Variants in ENOX2 observed in about 807,000 individuals in gnomAD.
ENOX2 encodes ecto-NOX disulfide-thiol exchanger 2, also known as APK1 antigen.
Under a neutral mutation model 45.0 loss-of-function variants are expected in ENOX2, and 36 were observed. The ratio of observed to expected loss-of-function variants is 0.80; its 90% confidence interval spans 0.61 to 1.06. The LOEUF is 1.06. Ranked by LOEUF, ENOX2 falls within the 50% of genes least tolerant of loss-of-function variation. The pLI is 0.00. For synonymous variants in ENOX2, 174 were observed against 152.3 expected (o/e 1.14, Z -1.05); for missense variants, 423 against 462.5 (o/e 0.91, Z 0.78).
intron 8 of ENOX2, among the ~76,000 whole-genome samples, chrX:130,667,142 T>C (rs2036855275): frequency 8.9e-6 from 1 of 112,079 alleles, no homozygotes; most frequent in African/African-American, 3.2e-5. Flanking sequence ...AAATGGAGTT[T>C]CTTGAAGGCA....
chrX:130,692,874 C>T (rs1342606390), intron 4 of ENOX2, among the ~76,000 whole-genome samples: 2 of 110,580 alleles, frequency 1.8e-5, no homozygotes, highest in Non-Finnish European at 3.8e-5. Context: ...ACAGCATGAG[C>T]CACCAGGCCC....
At chrX:130,694,601 T>TTTC (rs1042634594) in intron 4 of ENOX2, among the ~76,000 whole-genome samples, 5 of 90,337 alleles carry the variant, frequency 5.5e-5, no homozygotes, top group African/African-American at 1.7e-4. Context: ...TTTTCTTTTC[T>TTTC]TTTTTTTTTT....
At chrX:130,726,276 TC>T (rs2038602716) in intron 3 of ENOX2, among the ~76,000 whole-genome samples, 1 of 112,006 alleles carries the variant, frequency 8.9e-6, no homozygotes, top group African/African-American at 3.3e-5. Context: ...CAAAGCCCTT[TC>T]CCTTATGAGA....
intron 2 of ENOX2, among the ~76,000 whole-genome samples, chrX:130,818,561 A>G (rs2077532971): frequency 8.9e-6 from 1 of 111,838 alleles, no homozygotes; most frequent in Admixed American, 9.5e-5. Flanking sequence ...ATACAGACCA[A>G]TGGAACAGAA....
Position 130,897,703 on chromosome X carries a change from AG to A in ENOX2, c.-183+3980del, listed in dbSNP as rs2079080738. Among the ~76,000 whole-genome samples, 3 of 112,311 alleles carry A rather than the reference AG, an allele frequency of 2.7e-5. No homozygotes were observed. In the Admixed American group the frequency reaches 2.8e-4, roughly 11 times the overall value. Reference sequence around the variant, plus strand: ...ACCCCCCAAAAAAGTAAATCACAGAAGGAAAACCTAATACTAGAGGAGCAAG... The same window carrying A: ...ACCCCCCAAAAAAGTAAATCACAGAAGAAAACCTAATACTAGAGGAGCAAG... On this transcript the variant is annotated intron_variant, in intron 2 of 14. Transcript: ENST00000394363.
intron 10 of ENOX2, among the ~76,000 whole-genome samples, chrX:130,642,341 C>G (rs1016986415): frequency 8.9e-6 from 1 of 111,929 alleles, no homozygotes; most frequent in South Asian, 3.8e-4. Context: ...TTGCTGGAGC[C>G]TCCTGATAAA....
At chrX:130,651,063 A>T (rs1409503585) in intron 10 of ENOX2, among the ~76,000 whole-genome samples, 1 of 112,180 alleles carries the variant, frequency 8.9e-6, no homozygotes, top group Non-Finnish European at 1.9e-5. Flanking sequence ...AGCTGAGGTG[A>T]TTCACAAAGG....
At chrX:130,741,241 G>A (rs918997562) in intron 3 of ENOX2, among the ~76,000 whole-genome samples, 32 of 111,482 alleles carry the variant, frequency 2.9e-4, no homozygotes, top group African/African-American at 8.5e-4. Context: ...CTGCAGGACC[G>A]TCATGGTTAG....
At chrX:130,634,140 A>C in intron 12 of ENOX2, among the ~76,000 whole-genome samples, 1 of 112,277 alleles carries the variant, frequency 8.9e-6, no homozygotes, top group East Asian at 2.8e-4. Flanking sequence ...TGAGAACAGA[A>C]GATAAAGAGA....
intron 2 of ENOX2, among the ~76,000 whole-genome samples, chrX:130,806,244 T>C (rs2077297746): frequency 8.9e-6 from 1 of 112,185 alleles, no homozygotes; most frequent in Admixed American, 9.4e-5. Flanking sequence ...CATTCAAGCC[T>C]TTTACTGTTA....
At chrX:130,798,914 T>C (rs1027267002) in intron 2 of ENOX2, among the ~76,000 whole-genome samples, 2 of 112,549 alleles carry the variant, frequency 1.8e-5, no homozygotes, top group East Asian at 5.6e-4. Context: ...ATGTCACCTG[T>C]CACCTCAGTA....
intron 2 of ENOX2, among the ~76,000 whole-genome samples, chrX:130,872,410 T>A (rs1180577245): frequency 8.9e-6 from 1 of 111,923 alleles, no homozygotes; most frequent in Non-Finnish European, 1.9e-5. Context: ...TCTCCCTATG[T>A]CTAATATTGC....
chrX:130,788,659 A>G (rs201674370), intron 2 of ENOX2, among the ~76,000 whole-genome samples: 1 of 112,419 alleles, frequency 8.9e-6, no homozygotes, highest in East Asian at 2.8e-4. Flanking sequence ...AGAGTAACAG[A>G]TAACTAACAA....
intron 2 of ENOX2, among the ~76,000 whole-genome samples, chrX:130,890,176 G>T (rs543518097): frequency 2.7e-5 from 3 of 111,252 alleles, no homozygotes; most frequent in Non-Finnish European, 3.8e-5. Flanking sequence ...GCTTCTTTCT[G>T]ACAGTCAAAA....
intron 10 of ENOX2, among the ~76,000 whole-genome samples, chrX:130,649,362 C>A (rs2036340648): frequency 9.1e-6 from 1 of 109,451 alleles, no homozygotes; most frequent in South Asian, 3.9e-4. Flanking sequence ...ATTCTGTACT[C>A]CTAAAAGGAA....
At chrX:130,809,525 C>T (rs1351575200) in intron 2 of ENOX2, among the ~76,000 whole-genome samples, 1 of 111,214 alleles carries the variant, frequency 9.0e-6, no homozygotes, top group Non-Finnish European at 1.9e-5. Flanking sequence ...TTTTATTCTC[C>T]CCAAAGTAAG....
intron 5 of ENOX2, among the ~76,000 whole-genome samples, chrX:130,684,766 C>A (rs769936563): frequency 9.0e-6 from 1 of 111,559 alleles, no homozygotes; most frequent in African/African-American, 3.2e-5. Flanking sequence ...GGTAATAACT[C>A]CAGTATGGGC....
Position 130,635,066 on chromosome X carries a change from T to A in ENOX2, c.1337A>T (p.Tyr446Phe). The change falls in exon 12 of 15, where the codon TAC (tyrosine) becomes TTC (phenylalanine). Residue 446 changes from tyrosine to phenylalanine, a missense_variant. By Grantham distance (22) the Tyr-to-Phe change is conservative. Coordinates refer to ENST00000394363, the MANE Select transcript of ENOX2 (RefSeq NM_006375.4). ...QQHLLKVQEE[Y>F]KKKEAELEKL... ...TTCAAGTTCAGCTTCTTTCTTTTTG[T>A]ATTCCTCTTGGACTTTGAGTAGATG... The A allele has an allele frequency of 1.7e-6, 2 of 1,178,433 alleles. No individual in the cohort carries two copies. The highest frequency in any genetic ancestry group is 2.3e-6 in the Non-Finnish European group (2 of 867,063).
intron 3 of ENOX2, among the ~76,000 whole-genome samples, chrX:130,742,245 C>CTTTTTTTTTT (rs67776619): frequency 5.0e-5 from 3 of 60,171 alleles, no homozygotes; most frequent in African/African-American, 7.0e-5. Context: ...AGATAATTTC[C>CTTTTTTTTTT]TTTTTTTTTT....
Sources: gnomAD v4.1 joint callset for allele counts (sites outside exome capture counted in the v4.1 genomes callset) on GRCh38, gnomAD v4.1.1 for gene constraint, MANE v1.5 for transcripts, NCBI Gene and HGNC (gene_info 2026-07-23, HGNC 2026-07-21) for gene names.